The following SLC39A8 variants were observed in gnomAD, a reference collection of about 807,000 sequenced individuals.
SLC39A8 encodes the protein solute carrier family 39 member 8.
Under a neutral mutation model 40.4 loss-of-function variants are expected in SLC39A8, and 15 were observed. That is an observed-to-expected ratio of 0.37 (90% CI 0.25 to 0.57). The LOEUF (loss-of-function observed/expected upper bound fraction) is 0.57. SLC39A8 is among the 20% of genes least tolerant of loss of function. SLC39A8 has a pLI of 0.75. For synonymous variants in SLC39A8, 223 were observed against 221.6 expected (o/e 1.01, Z -0.06); for missense variants, 472 against 558.8 (o/e 0.84, Z 1.57).
chr4:102,292,286 A>AC (rs1733480580), intron 6 of SLC39A8, among the ~76,000 whole-genome samples: 2 of 152,122 alleles, frequency 1.3e-5, no homozygotes, highest in African/African-American at 4.8e-5. Flanking sequence ...TACATATATT[A>AC]AAACATAACA....
intron 6 of SLC39A8, among the ~76,000 whole-genome samples, chr4:102,290,658 A>G (rs1436137529): frequency 2.0e-5 from 3 of 149,914 alleles, no homozygotes; most frequent in African/African-American, 7.6e-5. Flanking sequence ...GGTAAACGTC[A>G]ACAATTTGGC....
At chr4:102,298,967 C>A (rs1416542122) in intron 6 of SLC39A8, among the ~76,000 whole-genome samples, 2 of 151,996 alleles carry the variant, frequency 1.3e-5, no homozygotes, top group Non-Finnish European at 2.9e-5. Context: ...TCCTCCCAAG[C>A]CAATGTGGCA....
intron 6 of SLC39A8, among the ~76,000 whole-genome samples, chr4:102,295,451 G>A (rs760672618): frequency 6.6e-6 from 1 of 152,022 alleles, no homozygotes; most frequent in African/African-American, 2.4e-5. Context: ...TCCAAACAGA[G>A]TAAATAGTAC....
At chr4:102,324,472 G>A (rs776337156) in intron 2 of SLC39A8, among the ~76,000 whole-genome samples, 5 of 150,052 alleles carry the variant, frequency 3.3e-5, no homozygotes, top group Admixed American at 1.3e-4. Context: ...GGTATACTTC[G>A]CTTTCTGCAC....
intron 6 of SLC39A8, among the ~76,000 whole-genome samples, chr4:102,286,534 A>G (rs1733187460): frequency 6.9e-6 from 1 of 144,894 alleles, no homozygotes; most frequent in Non-Finnish European, 1.6e-5. Flanking sequence ...TGGGCTCTCC[A>G]GCATCAAAGG....
chr4:102,306,144 G>C (rs1289417097), intron 4 of SLC39A8, among the ~76,000 whole-genome samples: 2 of 151,902 alleles, frequency 1.3e-5, no homozygotes, highest in African/African-American at 4.8e-5. Flanking sequence ...TTATTACAAA[G>C]ACAGATTCTT....
chr4:102,260,882 G>A (rs977400204), downstream of SLC39A8, among the ~76,000 whole-genome samples: 12 of 152,308 alleles, frequency 7.9e-5, no homozygotes, highest in Non-Finnish European at 1.3e-4. Flanking sequence ...AATGAAACAG[G>A]TATTTAGAGT....
At chr4:102,311,521 A>G (rs1734425614) in intron 3 of SLC39A8, among the ~76,000 whole-genome samples, 1 of 152,088 alleles carries the variant, frequency 6.6e-6, no homozygotes, top group Non-Finnish European at 1.5e-5. Flanking sequence ...GAGTTGGACA[A>G]TATGATCTCC....
chr4:102,334,503 G>C (rs1276833786), intron 2 of SLC39A8, among the ~76,000 whole-genome samples: 2 of 152,164 alleles, frequency 1.3e-5, no homozygotes, highest in African/African-American at 2.4e-5. Context: ...CCTGATTATT[G>C]CAAGTACAAC....
chr4:102,305,614 T>G (rs757193845), intron 4 of SLC39A8, among the ~76,000 whole-genome samples: 12 of 151,954 alleles, frequency 7.9e-5, no homozygotes, highest in Non-Finnish European at 1.5e-4. Flanking sequence ...CCTACAGAAC[T>G]GTGATAAATC....
chr4:102,294,564 A>T (rs1012991145), intron 6 of SLC39A8, among the ~76,000 whole-genome samples: 1 of 152,038 alleles, frequency 6.6e-6, no homozygotes, highest in African/African-American at 2.4e-5. Context: ...TCTTAAGAAT[A>T]TTCCATGCAT....
At chr4:102,326,736 T>C (rs1284859908) in intron 2 of SLC39A8, among the ~76,000 whole-genome samples, 1 of 152,162 alleles carries the variant, frequency 6.6e-6, no homozygotes, top group Non-Finnish European at 1.5e-5. Flanking sequence ...AAGGGGGTCC[T>C]GAGACCAAAA....
At chr4:102,320,189 A>ATG (rs1222613802) in intron 2 of SLC39A8, among the ~76,000 whole-genome samples, 3 of 85,058 alleles carry the variant, frequency 3.5e-5, no homozygotes, top group African/African-American at 1.2e-4. Flanking sequence ...ATATATATAT[A>ATG]TGTATATATA....
rs1731869505 is a variant in SLC39A8 at position 102,261,740 on chromosome 4, AAAATATATATT to A, written c.*1293_*1303del. 1.0e-6 allele frequency: 1 copy of A among 980,294 alleles called. No homozygotes were observed. Among genetic ancestry groups the A allele is most frequent in the East Asian group, 1.1e-4 (1 of 8,882 alleles). The allele number at this position is 980,294 out of a possible 1,614,324, so 60.7% of individuals were successfully genotyped here. A position where few individuals can be genotyped will look rare whatever the true frequency, so the allele number is the denominator to read the frequency against. Reference sequence around the variant, plus strand: ...TCAGTCATAAAGTGAAATACATACTAAAATATATATTAAATATTCACCAAATCTGCATTGCT... The same window carrying A: ...TCAGTCATAAAGTGAAATACATACTAAAATATTCACCAAATCTGCATTGCT... On this transcript the variant is annotated 3_prime_UTR_variant, in exon 9 of 9. Transcript: ENST00000356736.
At chr4:102,338,277 C>G (rs1426941341) in intron 2 of SLC39A8, among the ~76,000 whole-genome samples, 2 of 151,456 alleles carry the variant, frequency 1.3e-5, no homozygotes, top group African/African-American at 4.9e-5. Flanking sequence ...AGCTCTGCCT[C>G]CCGGGTTCAC....
chr4:102,336,070 A>G (rs374041085), intron 2 of SLC39A8, among the ~76,000 whole-genome samples: 138 of 152,308 alleles, frequency 9.1e-4, no homozygotes, highest in African/African-American at 3.2e-3. Flanking sequence ...TTTTACATAC[A>G]TTGTCTTTTG....
In SLC39A8 at chr4:102,344,491, C is replaced by T. The variant is rs1457965480; in HGVS notation, c.172G>A (p.Ala58Thr). ...LQHLLEQMGA[A>T]SRVGVPEPGQ... ...GGCTCCGGGACGCCCACGCGGGAGG[C>T]GGCTCCCATCTGCTCCAGCAAGTGC... The change falls in exon 2 of 9, where the codon GCC (alanine) becomes ACC (threonine). Residue 58 changes from alanine (A) to threonine (T), a missense_variant. Ala to Thr is a moderately conservative substitution (Grantham distance 58). This residue lies in a region of SLC39A8 where 175 missense variants were observed against 160.5 expected (regional missense o/e 1.09). Transcript: ENST00000356736. The T allele has an allele frequency of 6.4e-7, 1 of 1,552,848 alleles. No homozygotes were observed. Among genetic ancestry groups the T allele is most frequent in the Admixed American group, 1.9e-5 (1 of 51,950 alleles).
exon 12 of SLC39A8, chr4:102,253,136 TAG>T: frequency 3.5e-6 from 1 of 288,148 alleles, no homozygotes. Flanking sequence ...TACTGGGGAT[TAG>T]AACTCAAACA....
At chr4:102,267,716 T>G (rs1186140228) in intron 7 of SLC39A8, 42 bp from the exon 8 acceptor site, 16 of 1,553,512 alleles carry the variant, frequency 1.0e-5, no homozygotes, top group Non-Finnish European at 1.4e-5. Flanking sequence ...TAGTTTTTTT[T>G]TTATTTCTGG....
Sources: gnomAD v4.1 joint callset for allele counts (sites outside exome capture counted in the v4.1 genomes callset) on GRCh38, gnomAD v4.1.1 for gene constraint, gnomAD v4.1.1 regional missense constraint, MANE v1.5 for transcripts, NCBI Gene and HGNC (gene_info 2026-07-23, HGNC 2026-07-21) for gene names.